The following NCKAP5 variants were observed in gnomAD, a reference collection of about 807,000 sequenced individuals.
NCKAP5 encodes the protein NCK associated protein 5.
A neutral mutation model predicts 167.0 loss-of-function variants in NCKAP5; 92 were observed. The observed-to-expected ratio is 0.55, with a 90% CI of 0.47 to 0.66. The LOEUF is 0.66. NCKAP5 is among the 30% of genes least tolerant of loss of function. The pLI, the probability that NCKAP5 is intolerant of heterozygous loss-of-function variation, is 0.00. For missense variants in NCKAP5, 2,378 were observed against 2,315.0 expected (o/e 1.03, Z -0.56); for synonymous variants, 891 against 877.4 (o/e 1.02, Z -0.27).
intron 6 of NCKAP5, among the ~76,000 whole-genome samples, chr2:133,101,677 T>C (rs1166833817): frequency 6.6e-6 from 1 of 152,210 alleles, no homozygotes; most frequent in Middle Eastern, 3.2e-3. Flanking sequence ...AAAATCATTA[T>C]TTTCAATTCA....
intron 3 of NCKAP5, among the ~76,000 whole-genome samples, chr2:133,410,249 A>G (rs1400267777): frequency 6.6e-6 from 1 of 152,240 alleles, no homozygotes; most frequent in Non-Finnish European, 1.5e-5. Context: ...ATAAACATAC[A>G]GGTAGCAGGG....
chr2:133,662,741 T>C, the NCKAP5 span, among the ~76,000 whole-genome samples: 1 of 150,920 alleles, frequency 6.6e-6, no homozygotes, highest in Non-Finnish European at 1.5e-5. Flanking sequence ...AAAAATAATT[T>C]GGTTATGGCT....
intron 16 of NCKAP5, among the ~76,000 whole-genome samples, chr2:132,750,444 C>T (rs57308153): frequency 4.6e-5 from 7 of 151,956 alleles, no homozygotes; most frequent in East Asian, 1.9e-4. Flanking sequence ...TTAGAAAATG[C>T]GTATTTTATG....
the NCKAP5 span, among the ~76,000 whole-genome samples, chr2:133,617,613 T>C: frequency 6.9e-6 from 1 of 145,800 alleles, no homozygotes; most frequent in East Asian, 2.0e-4. Flanking sequence ...GAAGGACCTC[T>C]TCAAGGAGAA....
intron 19 of NCKAP5, among the ~76,000 whole-genome samples, chr2:132,690,078 C>T (rs1434902857): frequency 1.3e-5 from 2 of 152,076 alleles, no homozygotes; most frequent in South Asian, 2.1e-4. Flanking sequence ...TGAATAATAT[C>T]CTTTTGTTCA....
chr2:133,669,807 C>G, the NCKAP5 span, among the ~76,000 whole-genome samples: 1 of 152,136 alleles, frequency 6.6e-6, no homozygotes, highest in Non-Finnish European at 1.5e-5. Context: ...ACTCTTCATC[C>G]CTGCAGAATT....
chr2:132,773,075 G>A (rs12691828), intron 16 of NCKAP5, among the ~76,000 whole-genome samples: 85,210 of 152,022 alleles, frequency 0.56, 24,033 homozygotes, highest in East Asian at 0.72. Flanking sequence ...GTCTTGTGTC[G>A]AGCTAAATAG....
chr2:132,767,865 T>A (rs1681654834), intron 16 of NCKAP5, among the ~76,000 whole-genome samples: 1 of 152,252 alleles, frequency 6.6e-6, no homozygotes, highest in Admixed American at 6.5e-5. Context: ...GGTGGCAGGA[T>A]GCTTTGGAGG....
chr2:132,723,200 C>T (rs1690112784), intron 19 of NCKAP5, among the ~76,000 whole-genome samples: 1 of 133,832 alleles, frequency 7.5e-6, no homozygotes, highest in Admixed American at 8.7e-5. Context: ...GGCTGGAGTG[C>T]AGTGGCATGA....
chr2:133,364,538 C>G (rs113631163), intron 3 of NCKAP5, among the ~76,000 whole-genome samples: 1 of 152,090 alleles, frequency 6.6e-6, no homozygotes, highest in Admixed American at 6.6e-5. Context: ...TTCCTTCATT[C>G]GCTAACAGTT....
At chr2:133,249,440 CT>C (rs2088188774) in intron 4 of NCKAP5, among the ~76,000 whole-genome samples, 1 of 152,164 alleles carries the variant, frequency 6.6e-6, no homozygotes, top group East Asian at 1.9e-4. Flanking sequence ...CTGCCAACAG[CT>C]TGATTTTAGC....
At position 132,776,526 on chromosome 2, in the gene NCKAP5, G is replaced by C. The variant is rs369366757; in HGVS notation, c.5050-2632C>G. 7.2e-4 allele frequency among the ~76,000 whole-genome samples: 109 copies of C among 152,270 alleles called. 1 individual carries two copies. The South Asian group carries it at 0.021, about 30-fold the overall frequency. ...GCCCCCTGGCTCTTTCAGCTCTCCTGGGCTGGATGACCCATGAGGGGCAGA... is the reference window on the plus strand; with the variant it reads ...GCCCCCTGGCTCTTTCAGCTCTCCTCGGCTGGATGACCCATGAGGGGCAGA... On this transcript the variant is annotated intron_variant, in intron 15 of 19. Transcript: ENST00000409261.
intron 6 of NCKAP5, among the ~76,000 whole-genome samples, chr2:133,072,918 A>G (rs564917563): frequency 1.3e-4 from 20 of 152,296 alleles, no homozygotes; most frequent in African/African-American, 4.8e-4. Context: ...TCCGAATTCT[A>G]AAGAAATGGA....
chr2:132,917,631 A>G (rs1003972653), intron 8 of NCKAP5, among the ~76,000 whole-genome samples: 7 of 152,206 alleles, frequency 4.6e-5, no homozygotes, highest in African/African-American at 1.4e-4. Context: ...ATTATTTCAC[A>G]TTCTTTGACT....
intron 3 of NCKAP5, among the ~76,000 whole-genome samples, chr2:133,347,072 G>T (rs185203101): frequency 4.1e-4 from 62 of 152,300 alleles, no homozygotes; most frequent in African/African-American, 1.5e-3. Context: ...CCTGATTTGT[G>T]AAATTATTTA....
rs1043222027 is a variant in NCKAP5, at chr2:133,400,218, C to T, written c.70-97108G>A. ...CTCCCAAAATCCAGCTTCCCATTGTCACCCAGAGCAACATCTGAAGTTTAA... is the reference window on the plus strand; with the variant it reads ...CTCCCAAAATCCAGCTTCCCATTGTTACCCAGAGCAACATCTGAAGTTTAA... On this transcript the variant is annotated intron_variant, in intron 3 of 19. Transcript: ENST00000409261. 2.6e-5 allele frequency among the ~76,000 whole-genome samples: 4 copies of T among 152,034 alleles called. No homozygotes were observed. In the South Asian group the frequency reaches 8.3e-4, roughly 32 times the overall value.
intron 4 of NCKAP5, among the ~76,000 whole-genome samples, chr2:133,244,840 A>G (rs987909037): frequency 2.6e-5 from 4 of 152,214 alleles, no homozygotes; most frequent in Non-Finnish European, 4.4e-5. Flanking sequence ...TATAAGAGAG[A>G]AAATAACAAA....
chr2:133,583,956 G>A, the NCKAP5 span, among the ~76,000 whole-genome samples: 29 of 152,046 alleles, frequency 1.9e-4, no homozygotes, highest in African/African-American at 5.1e-4. Flanking sequence ...GGGTTTCACC[G>A]TGTTAGCCAG....
At chr2:133,085,145 T>C (rs1435457107) in intron 6 of NCKAP5, among the ~76,000 whole-genome samples, 1 of 152,100 alleles carries the variant, frequency 6.6e-6, no homozygotes, top group Non-Finnish European at 1.5e-5. Flanking sequence ...ACCCTTGGAT[T>C]AGGAAAATAA....
Sources: gnomAD v4.1 joint callset for allele counts (sites outside exome capture counted in the v4.1 genomes callset) on GRCh38, gnomAD v4.1.1 for gene constraint, MANE v1.5 for transcripts, NCBI Gene and HGNC (gene_info 2026-07-23, HGNC 2026-07-21) for gene names.